Variants in GALNTL5 observed in about 807,000 individuals in gnomAD.
The protein encoded by GALNTL5 is polypeptide N-acetylgalactosaminyltransferase like 5.
GALNTL5 carries 44 observed loss-of-function variants against 51.0 expected under a neutral mutation model. That is an observed-to-expected ratio of 0.86 (90% CI 0.68 to 1.11). The LOEUF (loss-of-function observed/expected upper bound fraction) is 1.11. Among genes scored for constraint, GALNTL5 ranks in the 50% least tolerant of loss-of-function variants. The pLI is 0.00. For synonymous variants in GALNTL5, 192 were observed against 182.8 expected, an observed-to-expected ratio of 1.05 and a Z score of -0.41; for missense variants, 528 against 531.8, an observed-to-expected ratio of 0.99 and a Z score of 0.07.
At chr7:152,000,911 C>CTT (rs66497039) in intron 5 of GALNTL5, among the ~76,000 whole-genome samples, 3,106 of 128,790 alleles carry the variant, frequency 0.024, 165 homozygotes, top group African/African-American at 0.082. Context: ...TTTTTTCTTT[C>CTT]TTTTTTTTTT....
rs116306999 is a variant in GALNTL5, at chr7:151,962,569, C to T, written c.-39-4639C>T. Among the ~76,000 whole-genome samples, 1,454 of 151,412 alleles carry T rather than the reference C, an allele frequency of 9.6e-3. 23 individuals carry two copies. The highest frequency in any genetic ancestry group is 0.032 in the African/African-American group (1,306 of 41,274). On this transcript the variant is annotated intron_variant, in intron 1 of 8. Coordinates refer to ENST00000392800, the MANE Select transcript of GALNTL5 (RefSeq NM_145292.4). ...CCATCCCACATACTCTTCCTCTCAACGGGGTTGCATTCAATGTCCTGGGTC... is the reference window on the plus strand; with the variant it reads ...CCATCCCACATACTCTTCCTCTCAATGGGGTTGCATTCAATGTCCTGGGTC...
intron 5 of GALNTL5, among the ~76,000 whole-genome samples, chr7:151,992,749 T>C (rs1182225301): frequency 6.6e-6 from 1 of 152,218 alleles, no homozygotes. Context: ...CCCGTAGCAC[T>C]ACGGTCTGGA....
rs2081864216 is a variant in GALNTL5 at position 152,019,633 on chromosome 7, T to C, written c.1177-13T>C. The C allele has an allele frequency of 1.9e-6, 3 of 1,607,824 alleles. No individual in the cohort carries two copies. The highest frequency in any genetic ancestry group is 2.2e-5 in the South Asian group (2 of 90,498). On this transcript the variant is annotated splice_polypyrimidine_tract_variant and intron_variant, in intron 8 of 8. Transcript: ENST00000392800. ...TGGTTGAACGTAACGACTGACTCTA[T>C]ATTTTCATTTAGGAGCAGTTTTTTC...
intron 5 of GALNTL5, among the ~76,000 whole-genome samples, chr7:152,000,346 C>T (rs2081556244): frequency 6.6e-6 from 1 of 152,172 alleles, no homozygotes; most frequent in Non-Finnish European, 1.5e-5. Flanking sequence ...ATTGAGTCAC[C>T]AGAATAGAAT....
chr7:151,981,030 C>A (rs1239958833), intron 3 of GALNTL5, among the ~76,000 whole-genome samples: 1 of 152,096 alleles, frequency 6.6e-6, no homozygotes, highest in African/African-American at 2.4e-5. Context: ...CAGGCTTGAG[C>A]CACCGCGCCC....
intron 4 of GALNTL5, among the ~76,000 whole-genome samples, chr7:151,986,830 C>T (rs183339563): frequency 4.6e-5 from 7 of 151,210 alleles, no homozygotes; most frequent in Middle Eastern, 3.4e-3. Flanking sequence ...CGGGTTCAAG[C>T]GATTCTTTTG....
intron 7 of GALNTL5, among the ~76,000 whole-genome samples, chr7:152,011,675 G>A (rs1429700321): frequency 6.6e-6 from 1 of 152,236 alleles, no homozygotes; most frequent in Non-Finnish European, 1.5e-5. Flanking sequence ...CATATGTTCT[G>A]TAATAGAGAA....
chr7:152,009,343 T>C (rs541987420), intron 7 of GALNTL5, among the ~76,000 whole-genome samples: 3 of 152,230 alleles, frequency 2.0e-5, no homozygotes, highest in Non-Finnish European at 4.4e-5. Flanking sequence ...GTGATGTCCT[T>C]AATGGATGGC....
chr7:151,983,135 A>G lies in GALNTL5; in HGVS notation c.518A>G (p.Asp173Gly), dbSNP rs1395236948. The G allele has an allele frequency of 1.2e-6, 2 of 1,613,920 alleles. No homozygotes were observed. Among genetic ancestry groups the G allele is most frequent in the Admixed American group, 1.7e-5 (1 of 60,008 alleles). Residue 173 changes from aspartate to glycine, a missense_variant, in exon 4 of 9, where the codon GAT becomes GGT. Coordinates refer to ENST00000392800, the MANE Select transcript of GALNTL5 (RefSeq NM_145292.4). ...TTTCTTGAAGAAATTATTTTGGTAG[A>G]TGACATGAGCAAAGTTGGTAAGATA... ...HYFLEEIILV[D>G]DMSKVDDLKE...
At chr7:152,017,999 C>T (rs768618568) in intron 8 of GALNTL5, among the ~76,000 whole-genome samples, 28 of 152,266 alleles carry the variant, frequency 1.8e-4, no homozygotes, top group Middle Eastern at 6.8e-3. Flanking sequence ...TGCATGCCAC[C>T]ACACCCAGCT....
At chr7:151,973,149 A>G (rs2081166838) in intron 3 of GALNTL5, among the ~76,000 whole-genome samples, 1 of 152,044 alleles carries the variant, frequency 6.6e-6, no homozygotes, top group Non-Finnish European at 1.5e-5. Flanking sequence ...GTCAAAGGAG[A>G]TCATTTCAGA....
chr7:152,008,252 T>A (rs1361990202), intron 7 of GALNTL5, among the ~76,000 whole-genome samples: 1 of 53,190 alleles, frequency 1.9e-5, no homozygotes, highest in Non-Finnish European at 3.9e-5. Context: ...CCATCTCTAC[T>A]TTTTTTTTTT....
At chr7:151,973,780 G>GT (rs1292154882) in intron 3 of GALNTL5, among the ~76,000 whole-genome samples, 1 of 125,960 alleles carries the variant, frequency 7.9e-6, no homozygotes, top group East Asian at 2.3e-4. Context: ...ATTTGGGAGG[G>GT]GCCAGGGGCA....
intron 7 of GALNTL5, among the ~76,000 whole-genome samples, chr7:152,014,079 CTCAG>C (rs1183452160): frequency 2.6e-5 from 4 of 152,180 alleles, no homozygotes; most frequent in African/African-American, 9.7e-5. Flanking sequence ...ATTGCTGGCT[CTCAG>C]TCAGGCTTTC....
intron 1 of GALNTL5, chr7:151,960,647 G>A (rs12703187): frequency 0.069 from 10,522 of 152,448 alleles, 553 homozygotes; most frequent in African/African-American, 0.14. Flanking sequence ...GGCAGCTTGC[G>A]CTCTCCAGAG....
chr7:151,971,652 G>A (rs2151941297), intron 3 of GALNTL5, among the ~76,000 whole-genome samples: 1 of 152,186 alleles, frequency 6.6e-6, no homozygotes, highest in East Asian at 1.9e-4. Context: ...ATATGGTTTG[G>A]CTCTATGTCC....
At chr7:152,010,372 A>G (rs965537986) in intron 7 of GALNTL5, among the ~76,000 whole-genome samples, 5 of 152,088 alleles carry the variant, frequency 3.3e-5, no homozygotes, top group Admixed American at 6.5e-5. Flanking sequence ...CGGCCTCCCA[A>G]AGTGCTGGGA....
At chr7:152,017,777 C>T (rs923793832) in intron 8 of GALNTL5, among the ~76,000 whole-genome samples, 3 of 151,972 alleles carry the variant, frequency 2.0e-5, no homozygotes, top group African/African-American at 7.2e-5. Flanking sequence ...TAAATAGTAC[C>T]AGTTGATAAG....
intron 2 of GALNTL5, among the ~76,000 whole-genome samples, chr7:151,967,874 T>C (rs2081079714): frequency 6.6e-6 from 1 of 152,192 alleles, no homozygotes. Flanking sequence ...ATATTATCCC[T>C]AAGCAAAATA....
Sources: gnomAD v4.1 joint callset for allele counts (sites outside exome capture counted in the v4.1 genomes callset) on GRCh38, gnomAD v4.1.1 for gene constraint, MANE v1.5 for transcripts, NCBI Gene and HGNC (gene_info 2026-07-23, HGNC 2026-07-21) for gene names.